ZNRF3: variants seen among roughly 807,000 people sequenced by gnomAD.
The protein encoded by ZNRF3 is E3 ubiquitin-protein ligase ZNRF3.
In ZNRF3, 23 loss-of-function variants were observed where a neutral mutation model predicts 72.5. The observed-to-expected ratio is 0.32, with a 90% CI of 0.23 to 0.45. The LOEUF (loss-of-function observed/expected upper bound fraction) is 0.45. Among genes scored for constraint, ZNRF3 ranks in the 20% least tolerant of loss-of-function variants. The pLI is 1.00. For synonymous variants in ZNRF3, 610 were observed against 545.3 expected, an observed-to-expected ratio of 1.12 and a Z score of -1.65; for missense variants, 1,169 against 1,272.1, an observed-to-expected ratio of 0.92 and a Z score of 1.23.
intron 2 of ZNRF3, among the ~76,000 whole-genome samples, chr22:29,004,917 G>A (rs968309510): frequency 3.9e-5 from 6 of 152,220 alleles, no homozygotes; most frequent in Non-Finnish European, 5.9e-5. Context: ...AGGAAACCCC[G>A]TGAACCTGCT....
rs1426312097 is a variant in ZNRF3, at chr22:29,048,112, G to T, written c.913-277G>T. 1.3e-5 allele frequency among the ~76,000 whole-genome samples: 2 copies of T among 152,154 alleles called. No homozygotes were observed. The highest frequency in any genetic ancestry group is 2.9e-5 in the Non-Finnish European group (2 of 68,010). On this transcript the variant is annotated intron_variant, in intron 6 of 8. Transcript: ENST00000544604. This position sits in a 1 kb window ranked among gnomAD's most constrained non-coding sequence, Gnocchi z 4.9. ...CCTGGGTGGAGGCATGAGTGTGTTT[G>T]CCCTCCTCCAGCTACGGGAAAGACG...
At position 29,050,811 on chromosome 22, in the gene ZNRF3, A is replaced by T. The variant is rs2088107428; in HGVS notation, c.2630A>T (p.Glu877Val). ...HRGLGATREE[E>V]RALCCQARAL... is the part of the protein sequence containing the mutation. ...GGCCTGGGAGCAACCCGGGAAGAGG[A>T]GCGGGCTCTGTGCTGCCAGGCTAGG... is the stretch of plus-strand genomic sequence containing the variant. The change falls in exon 8 of 9, where the codon GAG (glutamate) becomes GTG (valine). Residue 877 changes from glutamate (E) to valine (V), a missense_variant. By Grantham distance (121) the Glu-to-Val change is moderately radical. Transcript: ENST00000544604. 4 of 1,608,214 alleles carry T rather than the reference A, an allele frequency of 2.5e-6. No homozygotes were observed. The highest frequency in any genetic ancestry group is 3.4e-6 in the Non-Finnish European group (4 of 1,178,162).
Position 29,050,039 on chromosome 22 carries a change from C to A in ZNRF3, c.1858C>A (p.Pro620Thr), listed in dbSNP as rs778545938. ...GGGCTCGGGCAGCTCGGGCCGGGGACCTGCCCTGTGCTTCGAGGGCTCCCC... is the reference window on the plus strand; with the variant it reads ...GGGCTCGGGCAGCTCGGGCCGGGGAACTGCCCTGTGCTTCGAGGGCTCCCC... ...AGGSGSSGRG[P>T]ALCFEGSPPP... Residue 620 changes from proline to threonine, a missense_variant, in exon 8 of 9, where the codon CCT becomes ACT. By Grantham distance (38) the Pro-to-Thr change is conservative (BLOSUM62 -1). Transcript: ENST00000544604. 2 of 1,609,466 alleles carry A rather than the reference C, an allele frequency of 1.2e-6. No individual in the cohort carries two copies. The highest frequency in any genetic ancestry group is 3.3e-5 in the Admixed American group (2 of 59,764).
intron 1 of ZNRF3, 85 bp downstream of exon 1, chr22:28,884,151 C>T: frequency 1.0e-6 from 1 of 998,254 alleles, no homozygotes; most frequent in Non-Finnish European, 1.2e-6. Flanking sequence ...CCGCGGGCTG[C>T]CTGACTGGCG....
intron 1 of ZNRF3, among the ~76,000 whole-genome samples, chr22:28,890,388 T>A (rs911800576): frequency 6.6e-6 from 1 of 152,122 alleles, no homozygotes; most frequent in Non-Finnish European, 1.5e-5. Flanking sequence ...TAGTCCCAGC[T>A]ACTGGGGAGA....
intron 1 of ZNRF3, among the ~76,000 whole-genome samples, chr22:28,937,199 ATATATATATATATATAT>A (rs1341442568): frequency 4.8e-4 from 3 of 6,204 alleles, no homozygotes; most frequent in African/African-American, 9.0e-4. Flanking sequence ...ATATATATAT[ATATATATATATATATAT>A]TTTTTTTTTT....
chr22:29,044,516 AG>A lies in ZNRF3; in HGVS notation c.634-262del, dbSNP rs1414936986. On this transcript the variant is annotated intron_variant, in intron 4 of 8. Coordinates refer to ENST00000544604, the MANE Select transcript of ZNRF3 (RefSeq NM_001206998.2). ...TACAGCCAACTTTGCAGTATTCCAC[AG>A]GCTTTACCAACAGAGTTCCCTTGGC... Among the ~76,000 whole-genome samples, 17 of 152,352 alleles carry A rather than the reference AG, an allele frequency of 1.1e-4. No homozygotes were observed. The South Asian group carries it at 2.9e-3, about 26-fold the overall frequency.
intron 2 of ZNRF3, among the ~76,000 whole-genome samples, chr22:29,018,894 C>A (rs977532315): frequency 6.6e-6 from 1 of 151,462 alleles, no homozygotes; most frequent in Non-Finnish European, 1.5e-5. Context: ...TTTCATTGCT[C>A]ATGATTCTGT....
intron 2 of ZNRF3, among the ~76,000 whole-genome samples, chr22:29,016,207 G>A (rs1191666652): frequency 6.6e-6 from 1 of 152,188 alleles, no homozygotes; most frequent in Non-Finnish European, 1.5e-5. Context: ...TGAAGATCTA[G>A]ATACCTGATC....
intron 1 of ZNRF3, among the ~76,000 whole-genome samples, chr22:28,927,941 T>A (rs561541522): frequency 5.3e-5 from 8 of 152,360 alleles, no homozygotes; most frequent in African/African-American, 1.9e-4. Context: ...GTGGATCTGC[T>A]GACTGTGCCT....
intron 1 of ZNRF3, among the ~76,000 whole-genome samples, chr22:28,954,599 G>A (rs941473333): frequency 6.6e-6 from 1 of 152,004 alleles, no homozygotes; most frequent in African/African-American, 2.4e-5. Flanking sequence ...GTTGATTCTT[G>A]GATGCTTTTC....
At position 29,020,273 on chromosome 22, in the gene ZNRF3, TC is replaced by T. The variant is rs1006715319; in HGVS notation, c.427-22217del. ...CCTTTTTTTTTTTTTTTTTTTTTTT[TC>T]CCCCAAGACAGAGTTTTGCTTTGTC... On this transcript the variant is annotated intron_variant, in intron 2 of 8. Transcript: ENST00000544604. 8.5e-3 allele frequency among the ~76,000 whole-genome samples: 1,136 copies of T among 133,272 alleles called. 19 individuals are homozygous for T. Among genetic ancestry groups the T allele is most frequent in the African/African-American group, 0.034 (1,074 of 31,856 alleles). 87.4% of individuals were successfully genotyped at this position (133,272 alleles called of 152,430 possible).
chr22:28,919,333 G>A (rs1204098031), intron 1 of ZNRF3, among the ~76,000 whole-genome samples: 1 of 152,168 alleles, frequency 6.6e-6, no homozygotes, highest in East Asian at 1.9e-4. Context: ...AACATTTATT[G>A]TTGGCTTTTG....
At chr22:28,940,565 A>G (rs189115549) in intron 1 of ZNRF3, among the ~76,000 whole-genome samples, 15 of 148,992 alleles carry the variant, frequency 1.0e-4, no homozygotes, top group Admixed American at 5.4e-4. Flanking sequence ...TAGAAAACTT[A>G]ATCACAGGTT....
chr22:28,910,784 T>C (rs2034301869), intron 1 of ZNRF3, among the ~76,000 whole-genome samples: 1 of 152,168 alleles, frequency 6.6e-6, no homozygotes, highest in Non-Finnish European at 1.5e-5. Flanking sequence ...GAGAAAGGTC[T>C]TGGGGGTGGA....
Position 29,050,164 on chromosome 22 carries a change from C to A in ZNRF3, c.1983C>A (p.Cys661Ter). 1 of 1,603,534 alleles carries A rather than the reference C, an allele frequency of 6.2e-7. No individual in the cohort carries two copies. Among genetic ancestry groups the A allele is most frequent in the Non-Finnish European group, 8.5e-7 (1 of 1,179,872 alleles). ...CCTCGGGGGATCAGGTGTCCACCTG[C>A]AGCCTGGAGATGAACTACAGCAGCA... ...ASPSGDQVST[C>*]SLEMNYSSNS... The change falls in exon 8 of 9, where the codon TGC (cysteine) becomes TGA (stop). Residue 661 changes from cysteine (C) to a stop codon, truncating the protein, a stop_gained. Coordinates refer to ENST00000544604, the MANE Select transcript of ZNRF3 (RefSeq NM_001206998.2). LOFTEE classifies it high-confidence loss of function.
At chr22:28,884,089 C>T in intron 1 of ZNRF3, 23 bp downstream of exon 1, 1 of 1,188,338 alleles carries the variant, frequency 8.4e-7, no homozygotes, top group Non-Finnish European at 1.1e-6. Flanking sequence ...CGCCCGGGCC[C>T]CGCGCCGCCT....
intron 1 of ZNRF3, among the ~76,000 whole-genome samples, chr22:28,975,358 C>T (rs746410934): frequency 6.6e-6 from 1 of 151,898 alleles, no homozygotes; most frequent in Non-Finnish European, 1.5e-5. Flanking sequence ...CAAAATTAGC[C>T]GGGAGTGGTG....
At chr22:29,046,632 C>T in intron 5 of ZNRF3, 84 bp from the exon 6 acceptor site, 1 of 1,367,356 alleles carries the variant, frequency 7.3e-7, no homozygotes, top group Admixed American at 2.6e-5. Context: ...CTGCCTGTCC[C>T]AGTGAATCGT....
Sources: allele counts gnomAD v4.1 joint callset (sites outside exome capture counted in the v4.1 genomes callset), GRCh38; gene constraint gnomAD v4.1.1; non-coding constraint Gnocchi (gnomAD v3.1); transcripts MANE v1.5; gene names NCBI Gene and HGNC (gene_info 2026-07-23, HGNC 2026-07-21).